The following NEGR1 variants were observed in gnomAD, a reference collection of about 807,000 sequenced individuals.
NEGR1 encodes IgLON family member 4.
A neutral mutation model predicts 40.9 loss-of-function variants in NEGR1; 10 were observed. The observed-to-expected ratio is 0.24, with a 90% CI of 0.15 to 0.42. The LOEUF is 0.42. Ranked by LOEUF, NEGR1 falls within the 10% of genes least tolerant of loss-of-function variation. The pLI, the probability that NEGR1 is intolerant of heterozygous loss-of-function variation, is 1.00. For synonymous variants in NEGR1, 185 were observed against 166.8 expected, an observed-to-expected ratio of 1.11 and a Z score of -0.84; for missense variants, 352 against 438.9, an observed-to-expected ratio of 0.80 and a Z score of 1.77.
chr1:71,767,811 C>T lies in NEGR1; in HGVS notation c.535+8361G>A, dbSNP rs984192259. On this transcript the variant is annotated intron_variant, in intron 3 of 6. Transcript: ENST00000357731. Reference sequence around the variant, plus strand: ...GTGGGCCAGGCCCAGGGCCGAGCTGCCTTGTGCAGCCTCAGAACATAGCTC... The same window carrying T: ...GTGGGCCAGGCCCAGGGCCGAGCTGTCTTGTGCAGCCTCAGAACATAGCTC... 2.0e-5 allele frequency among the ~76,000 whole-genome samples: 3 copies of T among 152,234 alleles called. No homozygotes were observed. The South Asian group carries it at 6.2e-4, about 31-fold the overall frequency.
rs573725829 is a variant in NEGR1 at position 72,114,744 on chromosome 1, A to G, written c.176+167575T>C. Among the ~76,000 whole-genome samples the G allele has an allele frequency of 1.7e-4, 26 of 151,890 alleles. No individual in the cohort carries two copies. The South Asian group carries it at 4.8e-3, about 28-fold the overall frequency. Reference sequence around the variant, plus strand: ...CCCTATTTATTTTTGGTTTTAAAGAAAGCAAGACAGATTTGAGAGCACCCT... The same window carrying G: ...CCCTATTTATTTTTGGTTTTAAAGAGAGCAAGACAGATTTGAGAGCACCCT... On this transcript the variant is annotated intron_variant, in intron 1 of 6. Transcript: ENST00000357731.
intron 6 of NEGR1, among the ~76,000 whole-genome samples, chr1:71,570,709 T>C (rs1237805831): frequency 1.3e-5 from 2 of 151,990 alleles, no homozygotes; most frequent in African/African-American, 2.4e-5. Context: ...TGGATGTCTC[T>C]AGCCATTTCT....
At chr1:72,019,007 G>C (rs1486490755) in intron 1 of NEGR1, among the ~76,000 whole-genome samples, 2 of 152,150 alleles carry the variant, frequency 1.3e-5, no homozygotes, top group Non-Finnish European at 2.9e-5. Flanking sequence ...GCTTTGGGGG[G>C]ATGGTCACAT....
intron 3 of NEGR1, among the ~76,000 whole-genome samples, chr1:71,716,700 G>T (rs1654290164): frequency 6.6e-6 from 1 of 152,058 alleles, no homozygotes; most frequent in Non-Finnish European, 1.5e-5. Context: ...ATGAGGTAAA[G>T]ATAATATTTA....
intron 2 of NEGR1, among the ~76,000 whole-genome samples, chr1:71,928,913 C>T (rs556625933): frequency 1.3e-5 from 2 of 151,970 alleles, no homozygotes; most frequent in African/African-American, 4.8e-5. Context: ...TGGACCTGCA[C>T]TATAATGTAA....
At chr1:72,193,131 A>C (rs1182150277) in intron 1 of NEGR1, among the ~76,000 whole-genome samples, 1 of 151,820 alleles carries the variant, frequency 6.6e-6, no homozygotes, top group African/African-American at 2.4e-5. Flanking sequence ...AGACAATAGA[A>C]AAATCAATAT....
intron 1 of NEGR1, among the ~76,000 whole-genome samples, chr1:72,013,176 T>C (rs1273378456): frequency 6.6e-6 from 1 of 151,880 alleles, no homozygotes; most frequent in Non-Finnish European, 1.5e-5. Flanking sequence ...AAAATTAACT[T>C]GTAAATAATT....
At chr1:71,420,850 T>A (rs1646389471) in intron 6 of NEGR1, among the ~76,000 whole-genome samples, 1 of 152,070 alleles carries the variant, frequency 6.6e-6, no homozygotes, top group African/African-American at 2.4e-5. Flanking sequence ...CTTAAAATGT[T>A]TCTAAATATA....
In NEGR1 at chr1:72,275,552, T is replaced by C. The variant is rs964201061; in HGVS notation, c.176+6767A>G. Among the ~76,000 whole-genome samples the C allele has an allele frequency of 4.6e-5, 7 of 152,192 alleles. No homozygotes were observed. The East Asian group carries it at 1.4e-3, about 29-fold the overall frequency. On this transcript the variant is annotated intron_variant, in intron 1 of 6. Transcript: ENST00000357731. ...GACAATCTTTAATCTATCAGCAAGC[T>C]TCCAGAGAAATGTAATGAATGATAT...
At chr1:71,764,430 T>C (rs1023074937) in intron 3 of NEGR1, among the ~76,000 whole-genome samples, 4 of 152,256 alleles carry the variant, frequency 2.6e-5, no homozygotes, top group Non-Finnish European at 1.5e-5. Flanking sequence ...CTTTTTTTGC[T>C]AATGACTTAT....
intron 4 of NEGR1, among the ~76,000 whole-genome samples, chr1:71,643,159 A>G (rs1651413114): frequency 6.6e-6 from 1 of 151,992 alleles, no homozygotes; most frequent in African/African-American, 2.4e-5. Context: ...AAACCACACA[A>G]ATCCCCAAAT....
intron 1 of NEGR1, among the ~76,000 whole-genome samples, chr1:72,079,519 A>G (rs1390989284): frequency 6.6e-6 from 1 of 152,142 alleles, no homozygotes; most frequent in Non-Finnish European, 1.5e-5. Flanking sequence ...TTAGTACAAA[A>G]GAAAAAATGA....
chr1:71,785,593 T>C (rs997885058), intron 2 of NEGR1, among the ~76,000 whole-genome samples: 4 of 152,160 alleles, frequency 2.6e-5, no homozygotes, highest in African/African-American at 9.7e-5. Flanking sequence ...ATAAACCTGG[T>C]GGCCAGCTCC....
chr1:71,961,699 C>A (rs954292761), intron 1 of NEGR1, among the ~76,000 whole-genome samples: 1 of 152,028 alleles, frequency 6.6e-6, no homozygotes, highest in Non-Finnish European at 1.5e-5. Context: ...TCATCCTGGG[C>A]AACTCACTTT....
At chr1:71,437,064 T>A (rs1476371349) in intron 6 of NEGR1, among the ~76,000 whole-genome samples, 1 of 151,922 alleles carries the variant, frequency 6.6e-6, no homozygotes. Context: ...ATCATAACCC[T>A]AAAAACACTA....
chr1:71,753,448 C>T (rs529271875), intron 3 of NEGR1, among the ~76,000 whole-genome samples: 4 of 152,220 alleles, frequency 2.6e-5, no homozygotes, highest in African/African-American at 7.2e-5. Flanking sequence ...TTAAAAGTGG[C>T]AGCAGTCAGT....
intron 1 of NEGR1, among the ~76,000 whole-genome samples, chr1:72,128,326 T>A (rs1650109966): frequency 6.6e-6 from 1 of 152,178 alleles, no homozygotes; most frequent in Admixed American, 6.5e-5. Context: ...AAAGAGCAGG[T>A]GTGGAACATT....
intron 3 of NEGR1, chr1:71,703,084 A>AC (rs1557620052): frequency 6.6e-6 from 1 of 152,218 alleles, no homozygotes; most frequent in African/African-American, 2.4e-5. Flanking sequence ...TCTGAAAAAA[A>AC]AAACAAACAA....
chr1:71,928,874 G>C (rs1189817948), intron 2 of NEGR1, among the ~76,000 whole-genome samples: 1 of 151,972 alleles, frequency 6.6e-6, no homozygotes, highest in Non-Finnish European at 1.5e-5. Context: ...TGATTAGTCT[G>C]CCTGAGCTCA....
Sources: gnomAD v4.1 joint callset for allele counts (sites outside exome capture counted in the v4.1 genomes callset) on GRCh38, gnomAD v4.1.1 for gene constraint, MANE v1.5 for transcripts, NCBI Gene and HGNC (gene_info 2026-07-23, HGNC 2026-07-21) for gene names.